B4GALT6: variants seen among roughly 807,000 people sequenced by gnomAD.
B4GALT6 encodes beta-1,4-galactosyltransferase 6.
B4GALT6 carries 14 observed loss-of-function variants against 46.3 expected under a neutral mutation model. The ratio of observed to expected loss-of-function variants is 0.30; its 90% confidence interval spans 0.20 to 0.47. The LOEUF is 0.47. Ranked by LOEUF, B4GALT6 falls within the 20% of genes least tolerant of loss-of-function variation. The pLI, the probability that B4GALT6 is intolerant of heterozygous loss-of-function variation, is 0.99. For missense variants in B4GALT6, 386 were observed against 480.1 expected (o/e 0.80, Z 1.83); for synonymous variants, 168 against 162.0 (o/e 1.04, Z -0.28).
rs2073780378 is a variant in B4GALT6 at position 31,630,979 on chromosome 18, C to T, written c.756G>A (p.Lys252=). Residue 252 remains lysine, a synonymous_variant, in exon 6 of 9, where the codon AAG becomes AAA. Coordinates refer to ENST00000306851, the MANE Select transcript of B4GALT6 (RefSeq NM_004775.5). ...CGEMPRHFAA[K]LDKYMYILPY... ...CTTACATATACATGTATTTATCCAG[C>T]TTTGCAGCAAAATGACGTGGCATTT... 6.2e-7 allele frequency: 1 copy of T among 1,614,178 alleles called. No individual in the cohort carries two copies. The highest frequency in any genetic ancestry group is 8.5e-7 in the Non-Finnish European group (1 of 1,180,034).
the B4GALT6 span, among the ~76,000 whole-genome samples, chr18:31,718,570 A>C: frequency 6.6e-6 from 1 of 152,198 alleles, no homozygotes; most frequent in East Asian, 1.9e-4. Context: ...TCAGTTGTGC[A>C]GAGTCACTAA....
intron 6 of B4GALT6, 29 bp downstream of exon 6, chr18:31,630,930 C>CAAT: frequency 6.2e-7 from 1 of 1,610,032 alleles, no homozygotes; most frequent in Non-Finnish European, 8.5e-7. Flanking sequence ...TTATATCGTA[C>CAAT]AATATCAGGA....
At chr18:31,632,290 GAAATA>G (rs919373164) in intron 5 of B4GALT6, among the ~76,000 whole-genome samples, 1 of 151,894 alleles carries the variant, frequency 6.6e-6, no homozygotes, top group Non-Finnish European at 1.5e-5. Flanking sequence ...TTTCACCAGT[GAAATA>G]AAATAAAAAG....
At position 31,623,211 on chromosome 18, in the gene B4GALT6, T is replaced by C. The variant is rs1224375279; in HGVS notation, c.*2403A>G. On this transcript the variant is annotated 3_prime_UTR_variant, in exon 9 of 9. Coordinates refer to ENST00000306851, the MANE Select transcript of B4GALT6 (RefSeq NM_004775.5). ...GTATTTGTTAATCTTTATGTAATAA[T>C]TAATACAATGAAGATAAACGGGCAC... is the stretch of plus-strand genomic sequence containing the variant. 1 of 152,070 alleles carries C rather than the reference T, an allele frequency of 6.6e-6. No individual in the cohort carries two copies. The highest frequency in any genetic ancestry group is 1.5e-5 in the Non-Finnish European group (1 of 67,902). 9.4% of individuals were successfully genotyped at this position (152,070 alleles called of 1,614,324 possible). A position where few individuals can be genotyped will look rare whatever the true frequency, so the allele number is the denominator to read the frequency against.
Position 31,629,829 on chromosome 18 carries a change from G to A in B4GALT6, c.776+1130C>T, listed in dbSNP as rs28592135. On this transcript the variant is annotated intron_variant, in intron 6 of 8. Transcript: ENST00000306851. ...CGCACCACTGCACTCCAGCATGGGC[G>A]ACAAAGCGAGACTCTGTCTCAAAAA... Among the ~76,000 whole-genome samples the A allele has an allele frequency of 1.2e-3, 162 of 139,266 alleles. 1 individual carries two copies. Among genetic ancestry groups the A allele is most frequent in the African/African-American group, 3.9e-3 (147 of 37,290 alleles). The allele number at this position is 139,266 out of a possible 152,430, so 91.4% of individuals were successfully genotyped here. A position where few individuals can be genotyped will look rare whatever the true frequency, so the allele number is the denominator to read the frequency against.
At chr18:31,711,088 T>C in the B4GALT6 span, among the ~76,000 whole-genome samples, 3 of 152,304 alleles carry the variant, frequency 2.0e-5, no homozygotes, top group South Asian at 4.1e-4. Context: ...GAGGCTGCAA[T>C]GCATGTTTTT....
At chr18:31,694,701 A>G in the B4GALT6 span, among the ~76,000 whole-genome samples, 1 of 152,226 alleles carries the variant, frequency 6.6e-6, no homozygotes, top group Non-Finnish European at 1.5e-5. Flanking sequence ...TTGTCTTAAA[A>G]TAACTTCTTT....
intron 3 of B4GALT6, among the ~76,000 whole-genome samples, chr18:31,650,452 T>C (rs1470400389): frequency 1.3e-5 from 2 of 152,154 alleles, no homozygotes; most frequent in African/African-American, 4.8e-5. Context: ...GCACCCGAAG[T>C]GGTGGCAAAA....
chr18:31,700,468 T>TGTGTGAGTGTGTGTGTGA, the B4GALT6 span, among the ~76,000 whole-genome samples: 1 of 148,280 alleles, frequency 6.7e-6, no homozygotes, highest in Non-Finnish European at 1.5e-5. Context: ...TGTGTGTGTG[T>TGTGTGAGTGTGTGTGTGA]GAGAGAGAGA....
chr18:31,653,002 G>A (rs1598897954), intron 3 of B4GALT6, among the ~76,000 whole-genome samples: 1 of 148,330 alleles, frequency 6.7e-6, no homozygotes, highest in Middle Eastern at 3.6e-3. Context: ...AAGCAGTGGT[G>A]TTTTTTGTTT....
intron 5 of B4GALT6, among the ~76,000 whole-genome samples, chr18:31,636,945 C>G (rs1346331183): frequency 6.6e-6 from 1 of 152,204 alleles, no homozygotes; most frequent in Admixed American, 6.5e-5. Context: ...CTCAGCTTCC[C>G]AAGTAGCTGG....
upstream of B4GALT6, among the ~76,000 whole-genome samples, chr18:31,689,339 G>A (rs1040317821): frequency 4.6e-5 from 7 of 152,168 alleles, no homozygotes; most frequent in African/African-American, 1.4e-4. Flanking sequence ...TGGAAGGTGG[G>A]AGGGCAGACA....
At chr18:31,658,349 G>C in intron 2 of B4GALT6, 1 of 292,542 alleles carries the variant, frequency 3.4e-6, no homozygotes, top group Non-Finnish European at 6.5e-6. Context: ...TTGCAACCAT[G>C]TGAGAACACC....
At chr18:31,701,153 T>C in the B4GALT6 span, among the ~76,000 whole-genome samples, 1 of 152,216 alleles carries the variant, frequency 6.6e-6, no homozygotes, top group African/African-American at 2.4e-5. Context: ...TGGAGCCTAG[T>C]GAGAGGTGAT....
At chr18:31,708,736 C>T in the B4GALT6 span, among the ~76,000 whole-genome samples, 1 of 152,088 alleles carries the variant, frequency 6.6e-6, no homozygotes, top group Non-Finnish European at 1.5e-5. Flanking sequence ...GAACTTCCCA[C>T]TTCTCCTTCC....
chr18:31,669,780 TTTGCAGCACC>T (rs2074328541), intron 1 of B4GALT6, among the ~76,000 whole-genome samples: 1 of 152,170 alleles, frequency 6.6e-6, no homozygotes, highest in African/African-American at 2.4e-5. Flanking sequence ...TGACACCTGG[TTTGCAGCACC>T]TTGGATTATT....
intron 4 of B4GALT6, among the ~76,000 whole-genome samples, chr18:31,641,348 C>T (rs1447697544): frequency 6.6e-6 from 1 of 152,082 alleles, no homozygotes; most frequent in Non-Finnish European, 1.5e-5. Context: ...AATAAGCTAA[C>T]CTAATGTGCT....
At chr18:31,661,450 TAAA>T (rs983856227) in intron 2 of B4GALT6, among the ~76,000 whole-genome samples, 13 of 152,178 alleles carry the variant, frequency 8.5e-5, no homozygotes, top group African/African-American at 3.1e-4. Context: ...AAGTTCTACT[TAAA>T]AATGCAAGAA....
chr18:31,675,151 G>A (rs2074401578), intron 1 of B4GALT6, among the ~76,000 whole-genome samples: 1 of 152,136 alleles, frequency 6.6e-6, no homozygotes, highest in Admixed American at 6.5e-5. Context: ...TTTGTAAAAG[G>A]TGTCTTTACA....
Sources: gnomAD v4.1 joint callset for allele counts (sites outside exome capture counted in the v4.1 genomes callset) on GRCh38, gnomAD v4.1.1 for gene constraint, MANE v1.5 for transcripts, NCBI Gene and HGNC (gene_info 2026-07-23, HGNC 2026-07-21) for gene names.